The following TRPM5 variants were observed in gnomAD, a reference collection of about 807,000 sequenced individuals.
TRPM5 encodes the protein MLSN1 and TRP-related.
A neutral mutation model predicts 124.9 loss-of-function variants in TRPM5; 121 were observed. The ratio of observed to expected loss-of-function variants is 0.97; its 90% CI spans 0.84 to 1.13. The LOEUF is 1.13. Ranked by LOEUF, TRPM5 falls within the 50% of genes most tolerant of loss-of-function variation. The pLI is 0.00. For synonymous variants in TRPM5, 781 were observed against 700.5 expected, an observed-to-expected ratio of 1.11 and a Z score of -1.81; for missense variants, 1,643 against 1,589.1, an observed-to-expected ratio of 1.03 and a Z score of -0.58.
At position 2,415,051 on chromosome 11, in the gene TRPM5, G is replaced by A. The variant is rs566578484; in HGVS notation, c.1480-4C>T. The A allele has an allele frequency of 2.5e-6, 4 of 1,599,080 alleles. No homozygotes were observed. In the East Asian group the frequency reaches 8.9e-5, roughly 36 times the overall value. On this transcript the variant is annotated splice_region_variant and splice_polypyrimidine_tract_variant and intron_variant, in intron 9 of 23. Transcript: ENST00000155858. Reference sequence around the variant, plus strand: ...GCCGCTTGGCCGGGCCCTTCTCCTGGAGGACACGGGCGTCGGCCTCCTGCT... The same window carrying A: ...GCCGCTTGGCCGGGCCCTTCTCCTGAAGGACACGGGCGTCGGCCTCCTGCT...
upstream of TRPM5, among the ~76,000 whole-genome samples, chr11:2,425,035 G>A (rs1845827005): frequency 6.6e-6 from 1 of 152,232 alleles, no homozygotes. Context: ...GCGGACCGCA[G>A]AGAGGCAGGA....
the TRPM5 span, among the ~76,000 whole-genome samples, chr11:2,433,469 G>T: frequency 1.3e-5 from 2 of 152,270 alleles, no homozygotes; most frequent in Non-Finnish European, 2.9e-5. Context: ...GGGGTAGGGG[G>T]CTCCATGCAC....
intron 18 of TRPM5, among the ~76,000 whole-genome samples, chr11:2,409,060 A>T (rs767234039): frequency 6.6e-6 from 1 of 151,978 alleles, no homozygotes; most frequent in Non-Finnish European, 1.5e-5. Flanking sequence ...CTGGGTCCTG[A>T]GCTGGAGGGG....
rs776221421 is a variant in TRPM5 at position 2,405,049 on chromosome 11, G to A, written c.3392-6C>T. 3 of 1,610,682 alleles carry A rather than the reference G, an allele frequency of 1.9e-6. No individual in the cohort carries two copies. Among genetic ancestry groups the A allele is most frequent in the Non-Finnish European group, 2.5e-6 (3 of 1,178,578 alleles). ...CTCGCCACAGTGCTGAGAGCCTGCT[G>A]GGAAGGAAGGCCCCCCTGAGCGGTG... On this transcript the variant is annotated splice_polypyrimidine_tract_variant and splice_region_variant and intron_variant, in intron 23 of 23. Transcript: ENST00000155858.
chr11:2,435,589 A>ATCCG, the TRPM5 span, among the ~76,000 whole-genome samples: 1 of 147,382 alleles, frequency 6.8e-6, no homozygotes, highest in Non-Finnish European at 1.5e-5. The surrounding 1 kb of genome is among the most constrained non-coding windows in gnomAD (Gnocchi z 4.1). Context: ...CTGTCCATCC[A>ATCCG]TCCATCCATC....
chr11:2,403,993 C>A, downstream of TRPM5: 1 of 192,416 alleles, frequency 5.2e-6, no homozygotes. Context: ...GCATCCCTCA[C>A]CAGCACATCA....
At chr11:2,413,546 T>A in exon 13 of TRPM5, 1 of 1,612,602 alleles carries the variant, frequency 6.2e-7, no homozygotes, top group Non-Finnish European at 8.5e-7. Flanking sequence ...AGGATGGGCG[T>A]GCCTGCGGCC....
intron 9 of TRPM5, 32 bp from the exon 15 acceptor site, chr11:2,415,079 G>T: frequency 1.3e-6 from 2 of 1,589,432 alleles, no homozygotes; most frequent in Non-Finnish European, 1.7e-6. Flanking sequence ...CTCCTGCTGC[G>T]GCCCCAGCCT....
exon 13 of TRPM5, chr11:2,413,566 C>G (rs776549636): frequency 1.6e-5 from 25 of 1,612,480 alleles, no homozygotes; most frequent in East Asian, 4.5e-5. Context: ...CATGTCCCCC[C>G]ACCAGATCCT....
chr11:2,404,619 C>T (rs576504703), exon 24 of TRPM5: 11 of 338,318 alleles, frequency 3.3e-5, no homozygotes, highest in South Asian at 1.6e-4. Context: ...TCCCCCGTCA[C>T]GCCACAGGGC....
At chr11:2,431,727 A>T in the TRPM5 span, among the ~76,000 whole-genome samples, 1 of 146,264 alleles carries the variant, frequency 6.8e-6, no homozygotes, top group African/African-American at 2.7e-5. Context: ...CTCAGCTCTC[A>T]TGTCCTTCCT....
the TRPM5 span, among the ~76,000 whole-genome samples, chr11:2,435,579 C>CCA: frequency 4.7e-5 from 7 of 148,988 alleles, no homozygotes; most frequent in African/African-American, 1.7e-4. This position sits in a 1 kb window ranked among gnomAD's most constrained non-coding sequence, Gnocchi z 4.1. Flanking sequence ...GTCCATCTGT[C>CCA]TGTCCATCCA....
Position 2,420,487 on chromosome 11 carries a change from C to G in TRPM5, c.466-82G>C, listed in dbSNP as rs542148788. On this transcript the variant is annotated intron_variant, in intron 3 of 23. Coordinates refer to ENST00000155858, the Ensembl canonical transcript of TRPM5. ...CGCTGCGGGATCCTCCCTGCCAGGC[C>G]GTGCACACCACGCCATGGGGCCCCG... is the stretch of plus-strand genomic sequence containing the variant. 655 of 1,429,740 alleles carry G rather than the reference C, an allele frequency of 4.6e-4. 5 individuals are homozygous for G. The South Asian group carries it at 7.2e-3, about 16-fold the overall frequency. 88.6% of individuals were successfully genotyped at this position (1,429,740 alleles called of 1,614,324 possible). A position where few individuals can be genotyped will look rare whatever the true frequency, so the allele number is the denominator to read the frequency against.
At position 2,411,543 on chromosome 11, in the gene TRPM5, CAGAG is replaced by C. The variant is rs1484416236; in HGVS notation, c.2608-21_2608-18del. ...GTCCTTCATCTCCACGGGGCAGGGG[CAGAG>C]AGAGGGACGTCAGCGGCCAGCCGGG... On this transcript the variant is annotated intron_variant, in intron 17 of 23. Transcript: ENST00000155858. 4 of 1,607,598 alleles carry C rather than the reference CAGAG, an allele frequency of 2.5e-6. No homozygotes were observed. Among genetic ancestry groups the C allele is most frequent in the Non-Finnish European group, 3.4e-6 (4 of 1,176,320 alleles).
At chr11:2,422,477 CA>C (rs1845786896) in intron 1 of TRPM5, among the ~76,000 whole-genome samples, 156 bp from the exon 7 acceptor site, 2 of 132,080 alleles carry the variant, frequency 1.5e-5, no homozygotes, top group Middle Eastern at 3.9e-3. Context: ...GGGCTGGACA[CA>C]GGGGGTACCG....
chr11:2,442,522 T>C, the TRPM5 span, among the ~76,000 whole-genome samples: 44 of 152,254 alleles, frequency 2.9e-4, no homozygotes, highest in African/African-American at 9.9e-4. The surrounding 1 kb of genome is among the most constrained non-coding windows in gnomAD (Gnocchi z 5.9). Flanking sequence ...TTGAAGGACA[T>C]TGTGATTGTC....
At chr11:2,418,551 G>A (rs141618590) in exon 5 of TRPM5, 1 of 1,611,662 alleles carries the variant, frequency 6.2e-7, no homozygotes, top group East Asian at 2.2e-5. Flanking sequence ...GATCACCATT[G>A]ACCAGCAAGC....
chr11:2,407,144 C>T (rs1414999866), exon 20 of TRPM5: 3 of 1,606,948 alleles, frequency 1.9e-6, no homozygotes, highest in African/African-American at 2.7e-5. Flanking sequence ...TGTGCTCAGC[C>T]TCCTTCTTGA....
At chr11:2,414,009 G>GGGGGGCGCCCCCCCCCCCCCCCCC in intron 12 of TRPM5, 52 bp downstream of exon 17, 1 of 1,023,734 alleles carries the variant, frequency 9.8e-7, no homozygotes, top group East Asian at 2.8e-5. Flanking sequence ...GGCCCAGCTC[G>GGGGGGCGCCCCCCCCCCCCCCCCC]CCCGCCCACC....
Sources: allele counts gnomAD v4.1 joint callset (sites outside exome capture counted in the v4.1 genomes callset), GRCh38; gene constraint gnomAD v4.1.1; non-coding constraint Gnocchi (gnomAD v3.1); transcripts MANE v1.5; gene names NCBI Gene and HGNC (gene_info 2026-07-23, HGNC 2026-07-21).